RBFOX1: variants seen among roughly 807,000 people sequenced by gnomAD.
The protein encoded by RBFOX1 is RNA binding fox-1 homolog 1, also known as RNA binding protein fox-1 homolog 1.
A neutral mutation model predicts 57.7 loss-of-function variants in RBFOX1; 8 were observed. The observed-to-expected ratio is 0.14, with a 90% CI of 0.08 to 0.25. The LOEUF (loss-of-function observed/expected upper bound fraction) is 0.25, where lower values mean the gene tolerates loss of function less well. Among genes scored for constraint, RBFOX1 ranks in the 10% least tolerant of loss-of-function variants. RBFOX1 has a pLI of 1.00. For missense variants in RBFOX1, 611 were observed against 548.5 expected, an observed-to-expected ratio of 1.11 and a Z score of -1.14; for synonymous variants, 326 against 222.4, an observed-to-expected ratio of 1.47 and a Z score of -4.15.
intron 4 of RBFOX1, among the ~76,000 whole-genome samples, chr16:7,234,701 G>A (rs200127739): frequency 7.9e-6 from 1 of 125,824 alleles, no homozygotes; most frequent in African/African-American, 3.2e-5. Flanking sequence ...ATATATATAT[G>A]TTATATATAT....
At chr16:7,196,843 C>G (rs1321942458) in intron 4 of RBFOX1, among the ~76,000 whole-genome samples, 1 of 152,044 alleles carries the variant, frequency 6.6e-6, no homozygotes, top group East Asian at 1.9e-4. Flanking sequence ...AAGAGGACAG[C>G]ATGTGCAAAG....
Position 6,266,374 on chromosome 16 carries a change from C to T in RBFOX1, c.-126-50621C>T, listed in dbSNP as rs1017467353. On this transcript the variant is annotated intron_variant, in intron 1 of 15. Transcript: ENST00000550418. ...CTCAGAAGCCATTTCTTTGTAAAAC[C>T]TTCCAAGTCTCTAGCAGAATCTCAG... 2.0e-5 allele frequency among the ~76,000 whole-genome samples: 3 copies of T among 152,114 alleles called. No individual in the cohort carries two copies. The East Asian group carries it at 5.8e-4, about 29-fold the overall frequency.
intron 3 of RBFOX1, among the ~76,000 whole-genome samples, chr16:6,791,380 C>G (rs149209958): frequency 6.6e-6 from 1 of 152,304 alleles, no homozygotes; most frequent in East Asian, 1.9e-4. Context: ...CCAGGCAGGA[C>G]TGGCTGTCTA....
intron 4 of RBFOX1, among the ~76,000 whole-genome samples, chr16:5,970,375 G>C (rs1252160800): frequency 6.6e-6 from 1 of 152,032 alleles, no homozygotes; most frequent in African/African-American, 2.4e-5. Flanking sequence ...GTGGGGATTT[G>C]AAACCCCAGA....
intron 4 of RBFOX1, among the ~76,000 whole-genome samples, chr16:7,182,082 A>C (rs965820219): frequency 1.3e-5 from 2 of 152,232 alleles, no homozygotes; most frequent in African/African-American, 4.8e-5. Flanking sequence ...AGTCTTCAGA[A>C]GCTTGTTCAT....
chr16:5,930,246 CT>C (rs2059021757), intron 4 of RBFOX1, among the ~76,000 whole-genome samples: 2 of 65,344 alleles, frequency 3.1e-5, no homozygotes, highest in Non-Finnish European at 5.6e-5. Context: ...TGGATGGATG[CT>C]TGGATGTATA....
chr16:5,868,947 T>C (rs1371736464), intron 4 of RBFOX1, among the ~76,000 whole-genome samples: 1 of 152,198 alleles, frequency 6.6e-6, no homozygotes, highest in Non-Finnish European at 1.5e-5. Flanking sequence ...ATAATTGCAC[T>C]GCACGCATCG....
At chr16:5,974,438 G>A (rs948958972) in intron 4 of RBFOX1, among the ~76,000 whole-genome samples, 8 of 151,776 alleles carry the variant, frequency 5.3e-5, no homozygotes, top group Admixed American at 3.3e-4. Flanking sequence ...GTGAAACCCC[G>A]TCCCTACTAA....
At chr16:6,150,387 T>C (rs914514054) in intron 1 of RBFOX1, among the ~76,000 whole-genome samples, 1 of 152,140 alleles carries the variant, frequency 6.6e-6, no homozygotes, top group Non-Finnish European at 1.5e-5. Flanking sequence ...AGGATCTATC[T>C]CAAGGCATGT....
At chr16:7,221,019 A>C (rs1000164266) in intron 4 of RBFOX1, among the ~76,000 whole-genome samples, 10 of 152,300 alleles carry the variant, frequency 6.6e-5, no homozygotes, top group Middle Eastern at 3.4e-3. Context: ...ATAAGAACTT[A>C]GTTTATCAGA....
At chr16:6,516,221 A>G (rs1034074440) in intron 2 of RBFOX1, among the ~76,000 whole-genome samples, 1 of 152,020 alleles carries the variant, frequency 6.6e-6, no homozygotes, top group Non-Finnish European at 1.5e-5. Context: ...TAGTGACAGG[A>G]TTTTGCCATG....
Position 5,728,204 on chromosome 16 carries a change from TAA to T in RBFOX1, c.318+129244_318+129245del, listed in dbSNP as rs1273756445. ...CAATAGCCAAGATATACAAACAACT[TAA>T]GTGTCCATTGACAGAGAACGAATAC... On this transcript the variant is annotated intron_variant, in intron 3 of 19. Transcript: ENST00000641259. Among the ~76,000 whole-genome samples, 11 of 152,194 alleles carry T rather than the reference TAA, an allele frequency of 7.2e-5. 1 individual carries two copies. Among genetic ancestry groups the T allele is most frequent in the Admixed American group, 3.9e-4 (6 of 15,278 alleles).
intron 3 of RBFOX1, among the ~76,000 whole-genome samples, chr16:5,726,510 C>T (rs902465920): frequency 3.7e-4 from 57 of 152,166 alleles, no homozygotes; most frequent in African/African-American, 1.3e-3. Flanking sequence ...ACCAGAATTG[C>T]TGGGCCAGCC....
chr16:6,121,166 A>G (rs920347556), intron 1 of RBFOX1, among the ~76,000 whole-genome samples: 1 of 152,180 alleles, frequency 6.6e-6, no homozygotes, highest in Non-Finnish European at 1.5e-5. Flanking sequence ...CTGCCAACCC[A>G]TCAAAATACA....
In RBFOX1 at chr16:6,702,630, G is replaced by T. The variant is rs573989797; in HGVS notation, c.-16+47980G>T. ...AAAGTTCTGCTGAAGACTAAATGAG[G>T]TCATACTTCTAAGATACCCAGCCCA... is the stretch of plus-strand genomic sequence containing the variant. On this transcript the variant is annotated intron_variant, in intron 3 of 15. Coordinates refer to ENST00000550418, the MANE Select transcript of RBFOX1 (RefSeq NM_018723.4). Among the ~76,000 whole-genome samples, 7 of 152,140 alleles carry T rather than the reference G, an allele frequency of 4.6e-5. No individual in the cohort carries two copies. In the South Asian group the frequency reaches 1.5e-3, roughly 32 times the overall value.
intron 2 of RBFOX1, among the ~76,000 whole-genome samples, chr16:6,505,446 T>C (rs2096064298): frequency 6.6e-6 from 1 of 152,192 alleles, no homozygotes; most frequent in Non-Finnish European, 1.5e-5. Flanking sequence ...AGGAGGAATG[T>C]GAATTTTGGA....
intron 1 of RBFOX1, among the ~76,000 whole-genome samples, chr16:5,311,024 T>C (rs1334139360): frequency 6.6e-6 from 1 of 152,174 alleles, no homozygotes; most frequent in Admixed American, 6.5e-5. Flanking sequence ...TCATTGTCTG[T>C]GATACCACTC....
At chr16:6,709,740 A>G (rs1004544413) in intron 3 of RBFOX1, among the ~76,000 whole-genome samples, 1 of 152,034 alleles carries the variant, frequency 6.6e-6, no homozygotes, top group Non-Finnish European at 1.5e-5. Context: ...CTGGTAACTT[A>G]AGTGTGGGTT....
chr16:5,736,298 C>G (rs1329509201), intron 3 of RBFOX1, among the ~76,000 whole-genome samples: 1 of 152,200 alleles, frequency 6.6e-6, no homozygotes, highest in African/African-American at 2.4e-5. Flanking sequence ...GAATTCTGAG[C>G]TGCCTCCTTT....
Sources: gnomAD v4.1 joint callset for allele counts (sites outside exome capture counted in the v4.1 genomes callset) on GRCh38, gnomAD v4.1.1 for gene constraint, MANE v1.5 for transcripts, NCBI Gene and HGNC (gene_info 2026-07-23, HGNC 2026-07-21) for gene names.